SAMSN1: variants seen among roughly 807,000 people sequenced by gnomAD.
SAMSN1 encodes the protein SAM domain, SH3 domain and nuclear localization signals 1, also known as SAM domain-containing protein SAMSN-1.
SAMSN1 carries 31 observed loss-of-function variants against 42.0 expected under a neutral mutation model. The observed-to-expected ratio is 0.74, with a 90% confidence interval of 0.55 to 1.00. The LOEUF is 1.00. Ranked by LOEUF, SAMSN1 falls within the 50% of genes least tolerant of loss-of-function variation. SAMSN1 has a pLI of 0.00. For missense variants in SAMSN1, 464 were observed against 439.4 expected, an observed-to-expected ratio of 1.06 and a Z score of -0.50; for synonymous variants, 178 against 151.9, an observed-to-expected ratio of 1.17 and a Z score of -1.26.
upstream of SAMSN1, among the ~76,000 whole-genome samples, chr21:14,548,656 A>G (rs528498853): frequency 3.5e-4 from 53 of 152,282 alleles, no homozygotes; most frequent in Non-Finnish European, 5.7e-4. Flanking sequence ...TCTGGGGCTT[A>G]AAAGACAGAT....
At chr21:14,618,687 TGTGTGC>T (rs1388603368) in intron 2 of SAMSN1, among the ~76,000 whole-genome samples, 4,871 of 29,932 alleles carry the variant, frequency 0.16, 99 homozygotes, top group Middle Eastern at 0.27. Flanking sequence ...TGTGTGTGTG[TGTGTGC>T]GCGCGCGCGC....
chr21:14,572,925 G>A (rs532833107), intron 2 of SAMSN1, among the ~76,000 whole-genome samples: 1 of 152,230 alleles, frequency 6.6e-6, no homozygotes, highest in South Asian at 2.1e-4. Context: ...GCATAAATCG[G>A]TTATCCTCTT....
At chr21:14,510,506 A>G (rs2122977561) in intron 4 of SAMSN1, 45 bp from the exon 5 acceptor site, 1 of 1,602,838 alleles carries the variant, frequency 6.2e-7, no homozygotes, top group Non-Finnish European at 8.5e-7. Context: ...GACTTATAAC[A>G]TTCTGAATCA....
chr21:14,538,640 A>G (rs1394128773), intron 1 of SAMSN1, among the ~76,000 whole-genome samples: 1 of 152,184 alleles, frequency 6.6e-6, no homozygotes, highest in East Asian at 1.9e-4. Context: ...AAAGCTCTTT[A>G]ATGGTACAAC....
At chr21:14,542,821 G>A (rs1568800130) in intron 1 of SAMSN1, among the ~76,000 whole-genome samples, 1 of 152,130 alleles carries the variant, frequency 6.6e-6, no homozygotes, top group Non-Finnish European at 1.5e-5. Flanking sequence ...CATGGTGCCT[G>A]TGGTCCCAGC....
intron 1 of SAMSN1, among the ~76,000 whole-genome samples, chr21:14,538,967 C>T (rs994428734): frequency 1.3e-5 from 2 of 152,280 alleles, no homozygotes; most frequent in African/African-American, 2.4e-5. Context: ...TTTATTAACA[C>T]GGATCATTAA....
At chr21:14,546,388 C>G, upstream of SAMSN1, 1 of 1,465,402 alleles carries the variant, frequency 6.8e-7, no homozygotes, top group Non-Finnish European at 9.0e-7. Context: ...GCCACTTCCT[C>G]CTTCAGTCAG....
At chr21:14,557,167 T>G (rs1980787062) in intron 2 of SAMSN1, among the ~76,000 whole-genome samples, 1 of 152,132 alleles carries the variant, frequency 6.6e-6, no homozygotes, top group Non-Finnish European at 1.5e-5. Flanking sequence ...GAACCTGTGG[T>G]GTGAAGAGAG....
intron 2 of SAMSN1, among the ~76,000 whole-genome samples, chr21:14,566,776 G>A (rs1182339464): frequency 6.6e-6 from 1 of 152,078 alleles, no homozygotes; most frequent in Non-Finnish European, 1.5e-5. Context: ...GATCTCAAGT[G>A]ATCTGCCCAC....
At chr21:14,521,485 A>C (rs1388587348) in intron 1 of SAMSN1, among the ~76,000 whole-genome samples, 4 of 152,186 alleles carry the variant, frequency 2.6e-5, no homozygotes, top group African/African-American at 9.7e-5. Context: ...ATTATTTTAA[A>C]TTTTTTATTT....
At position 14,577,270 on chromosome 21, in the gene SAMSN1, ATATATATATATATATTTTTT is replaced by A. The variant is rs1279384252; in HGVS notation, c.261+4846_261+4865del. 3.8e-4 allele frequency among the ~76,000 whole-genome samples: 19 copies of A among 49,402 alleles called. 1 individual carries two copies. The highest frequency in any genetic ancestry group is 2.2e-3 in the African/African-American group (19 of 8,472). 32.4% of individuals were successfully genotyped at this position (49,402 alleles called of 152,430 possible). ...TATATATATATATATATATATATATATATATATATATATATTTTTTTTTTAGAAGAGACAGGGTTTTACTG... is the reference window on the plus strand; with the variant it reads ...TATATATATATATATATATATATATATTTTAGAAGAGACAGGGTTTTACTG... On this transcript the variant is annotated intron_variant, in intron 2 of 8. Transcript: ENST00000285670.
At chr21:14,563,123 G>T (rs1248082356) in intron 2 of SAMSN1, among the ~76,000 whole-genome samples, 2 of 152,154 alleles carry the variant, frequency 1.3e-5, no homozygotes, top group Non-Finnish European at 2.9e-5. Context: ...AGAGCAAGGA[G>T]ACACTGCTAA....
chr21:14,586,279 GA>G (rs57194288), upstream of SAMSN1, among the ~76,000 whole-genome samples: 8 of 126,352 alleles, frequency 6.3e-5, no homozygotes, highest in African/African-American at 2.5e-4. Context: ...AAAAAAAAAA[GA>G]AAAAGAAAAA....
upstream of SAMSN1, among the ~76,000 whole-genome samples, chr21:14,659,247 T>C (rs1264599819): frequency 2.0e-5 from 3 of 152,000 alleles, no homozygotes; most frequent in Non-Finnish European, 2.9e-5. Context: ...TGACAAGATA[T>C]AGAGATAAAC....
chr21:14,604,519 C>T (rs1982516478), intron 5 of SAMSN1, among the ~76,000 whole-genome samples: 1 of 152,162 alleles, frequency 6.6e-6, no homozygotes, highest in South Asian at 2.1e-4. Context: ...TTCAGATCAG[C>T]TTGGGCAACA....
intron 2 of SAMSN1, among the ~76,000 whole-genome samples, chr21:14,568,238 G>C (rs1030035854): frequency 1.3e-5 from 2 of 152,142 alleles, no homozygotes; most frequent in Non-Finnish European, 2.9e-5. Context: ...TCATTTAAGT[G>C]TTCAGGTTTA....
intron 2 of SAMSN1, among the ~76,000 whole-genome samples, chr21:14,619,303 T>C (rs1600967620): frequency 6.6e-6 from 1 of 152,306 alleles, no homozygotes; most frequent in East Asian, 1.9e-4. Flanking sequence ...TGTTGTTGCC[T>C]AGCTAATGGA....
intron 1 of SAMSN1, among the ~76,000 whole-genome samples, chr21:14,531,777 G>A (rs557754195): frequency 3.4e-4 from 51 of 152,090 alleles, no homozygotes; most frequent in African/African-American, 1.2e-3. Flanking sequence ...AAATTAAGTT[G>A]GGAAAACAAA....
At chr21:14,593,093 CA>C (rs1442999678) in intron 7 of SAMSN1, among the ~76,000 whole-genome samples, 3 of 151,524 alleles carry the variant, frequency 2.0e-5, no homozygotes, top group African/African-American at 7.3e-5. Context: ...ATCTCTTAGA[CA>C]AAAAAATACA....
Sources: allele counts gnomAD v4.1 joint callset (sites outside exome capture counted in the v4.1 genomes callset), GRCh38; gene constraint gnomAD v4.1.1; transcripts MANE v1.5; gene names NCBI Gene and HGNC (gene_info 2026-07-23, HGNC 2026-07-21).